The following SLC5A4 variants were observed in gnomAD, a reference collection of about 807,000 sequenced individuals.
The protein encoded by SLC5A4 is solute carrier family 5 member 4, also known as probable glucose sensor protein SLC5A4.
SLC5A4 carries 55 observed loss-of-function variants against 70.3 expected under a neutral mutation model. That is an observed-to-expected ratio of 0.78 (90% confidence interval 0.63 to 0.98). The LOEUF (loss-of-function observed/expected upper bound fraction) is 0.98, where lower values mean the gene tolerates loss of function less well. Among genes scored for constraint, SLC5A4 ranks in the 50% least tolerant of loss-of-function variants. SLC5A4 has a pLI of 0.00. For missense variants in SLC5A4, 735 were observed against 839.2 expected (o/e 0.88, Z 1.53); for synonymous variants, 268 against 305.7 (o/e 0.88, Z 1.29).
chr22:32,351,018 C>G, the SLC5A4 span, among the ~76,000 whole-genome samples: 1 of 152,138 alleles, frequency 6.6e-6, no homozygotes, highest in African/African-American at 2.4e-5. Flanking sequence ...GGTTGTGAAT[C>G]TTGCCCTAAA....
At chr22:32,329,238 A>C in the SLC5A4 span, among the ~76,000 whole-genome samples, 5 of 152,152 alleles carry the variant, frequency 3.3e-5, no homozygotes, top group African/African-American at 9.7e-5. Flanking sequence ...AGGATGCACC[A>C]ATCTTCACTC....
the SLC5A4 span, among the ~76,000 whole-genome samples, chr22:32,309,867 G>A: frequency 2.6e-5 from 4 of 151,824 alleles, no homozygotes; most frequent in African/African-American, 7.3e-5. Flanking sequence ...CTCTGCACCT[G>A]CCTTTGCTGC....
intron 8 of SLC5A4, among the ~76,000 whole-genome samples, chr22:32,234,123 T>A (rs1925922700): frequency 1.3e-5 from 2 of 152,154 alleles, no homozygotes; most frequent in Admixed American, 6.5e-5. Context: ...ACACAAGCAT[T>A]TATCTGAATC....
chr22:32,253,927 T>C (rs1334458392), intron 2 of SLC5A4, among the ~76,000 whole-genome samples: 1 of 152,022 alleles, frequency 6.6e-6, no homozygotes, highest in African/African-American at 2.4e-5. Context: ...ATTACAGGCA[T>C]ACACACCACC....
intron 5 of SLC5A4, among the ~76,000 whole-genome samples, chr22:32,240,858 T>G (rs1926470056): frequency 6.6e-6 from 1 of 152,244 alleles, no homozygotes; most frequent in Non-Finnish European, 1.5e-5. Context: ...TTAAACACTT[T>G]GTTATACTGC....
intron 5 of SLC5A4, among the ~76,000 whole-genome samples, chr22:32,244,651 C>A (rs1926718957): frequency 2.0e-5 from 3 of 152,118 alleles, no homozygotes; most frequent in Admixed American, 6.5e-5. Context: ...CTGCCTCAGC[C>A]AAAGTAGCTG....
At chr22:32,315,772 TAGTG>T in the SLC5A4 span, among the ~76,000 whole-genome samples, 1 of 144,582 alleles carries the variant, frequency 6.9e-6, no homozygotes, top group African/African-American at 2.6e-5. Context: ...CTGTAAATGT[TAGTG>T]AGCCATACAC....
chr22:32,231,665 CT>C (rs1405669422), intron 9 of SLC5A4, among the ~76,000 whole-genome samples: 2 of 152,116 alleles, frequency 1.3e-5, no homozygotes, highest in African/African-American at 4.8e-5. Context: ...AGCACATTAG[CT>C]TCTTTTCATT....
chr22:32,290,825 T>C, the SLC5A4 span, among the ~76,000 whole-genome samples: 2 of 152,156 alleles, frequency 1.3e-5, no homozygotes, highest in African/African-American at 2.4e-5. Flanking sequence ...CCAGCCCTTT[T>C]ATAATGTCAC....
chr22:32,335,410 G>A, the SLC5A4 span, among the ~76,000 whole-genome samples: 1 of 152,198 alleles, frequency 6.6e-6, no homozygotes, highest in East Asian at 1.9e-4. Context: ...GGTAAGTGAA[G>A]GAGGCACGCT....
chr22:32,331,027 G>T, the SLC5A4 span, among the ~76,000 whole-genome samples: 1 of 132,186 alleles, frequency 7.6e-6, no homozygotes, highest in Non-Finnish European at 1.6e-5. Context: ...GTGTGTGTGT[G>T]TGTTGGAGGC....
the SLC5A4 span, among the ~76,000 whole-genome samples, chr22:32,354,461 A>G: frequency 7.0e-6 from 1 of 142,972 alleles, no homozygotes; most frequent in East Asian, 2.3e-4. Flanking sequence ...CCTGGATATA[A>G]CACGTCCCGC....
chr22:32,241,690 C>A (rs946221264), intron 5 of SLC5A4, among the ~76,000 whole-genome samples: 1 of 151,940 alleles, frequency 6.6e-6, no homozygotes, highest in African/African-American at 2.4e-5. Flanking sequence ...CTAAAAAAAC[C>A]TTTGCCCAGA....
chr22:32,324,275 A>ATATG, the SLC5A4 span, among the ~76,000 whole-genome samples: 3 of 131,848 alleles, frequency 2.3e-5, no homozygotes, highest in African/African-American at 2.8e-5. Flanking sequence ...ATGTATATAT[A>ATATG]TATACACACA....
chr22:32,228,845 G>C (rs925722614), intron 11 of SLC5A4, among the ~76,000 whole-genome samples: 1 of 152,138 alleles, frequency 6.6e-6, no homozygotes, highest in Non-Finnish European at 1.5e-5. Flanking sequence ...CATGGAAACT[G>C]CTAGAGACAA....
chr22:32,320,143 T>C, the SLC5A4 span, among the ~76,000 whole-genome samples: 11,806 of 152,174 alleles, frequency 0.078, 588 homozygotes, highest in Admixed American at 0.19. Context: ...AAAGCCATAA[T>C]GAGAGAGGAT....
chr22:32,224,947 A>G (rs1925307472), intron 12 of SLC5A4, among the ~76,000 whole-genome samples: 1 of 152,146 alleles, frequency 6.6e-6, no homozygotes, highest in Non-Finnish European at 1.5e-5. Flanking sequence ...CCTCTGCTCA[A>G]GATGTTATGT....
upstream of SLC5A4, among the ~76,000 whole-genome samples, chr22:32,256,323 A>C (rs1264326770): frequency 1.3e-5 from 2 of 152,060 alleles, no homozygotes; most frequent in South Asian, 2.1e-4. Context: ...CAAACAAAAA[A>C]AACAACAACA....
the SLC5A4 span, chr22:32,269,420 CTCA>C: frequency 4.2e-6 from 2 of 481,876 alleles, no homozygotes. The surrounding 1 kb of genome is among the most constrained non-coding windows in gnomAD (Gnocchi z 4.1). Flanking sequence ...TGAGAAGCTG[CTCA>C]TCATCATCGC....
Sources: allele counts gnomAD v4.1 joint callset (sites outside exome capture counted in the v4.1 genomes callset), GRCh38; gene constraint gnomAD v4.1.1; non-coding constraint Gnocchi (gnomAD v3.1); transcripts MANE v1.5; gene names NCBI Gene and HGNC (gene_info 2026-07-23, HGNC 2026-07-21).